CTNND2: variants seen among roughly 807,000 people sequenced by gnomAD.
CTNND2 encodes the protein catenin delta 2, also known as catenin delta-2.
CTNND2 carries 22 observed loss-of-function variants against 144.4 expected under a neutral mutation model. That is an observed-to-expected ratio of 0.15 (90% CI 0.11 to 0.22). The LOEUF (loss-of-function observed/expected upper bound fraction) is 0.22. Among genes scored for constraint, CTNND2 ranks in the 10% least tolerant of loss-of-function variants. CTNND2 has a pLI of 1.00. For synonymous variants in CTNND2, 751 were observed against 695.6 expected (o/e 1.08, Z -1.25); for missense variants, 1,353 against 1,618.8 (o/e 0.84, Z 2.82).
Position 11,159,720 on chromosome 5 carries a change from AT to A in CTNND2, c.2014del (p.Met672CysfsTer8). On this transcript the variant is annotated frameshift_variant, in exon 12 of 22. Transcript: ENST00000304623. LOFTEE classifies it high-confidence loss of function. ...TGCTAGGGCATCCTGGATGATTGGC[AT>A]TTTGAGTGCATCGCATGAGGAGAGG... ...WNLSSCDALK[M>X]PIIQDALAVL... 1.2e-6 allele frequency: 2 copies of A among 1,607,610 alleles called. No individual in the cohort carries two copies. The highest frequency in any genetic ancestry group is 1.7e-6 in the Non-Finnish European group (2 of 1,177,138).
At chr5:11,125,109 A>AT in intron 12 of CTNND2, among the ~76,000 whole-genome samples, 1 of 152,240 alleles carries the variant, frequency 6.6e-6, no homozygotes, top group South Asian at 2.1e-4. Flanking sequence ...GTGCAGGAAG[A>AT]TTGTCCTCTT....
At chr5:11,779,196 G>A (rs1187731879) in intron 1 of CTNND2, among the ~76,000 whole-genome samples, 1 of 152,148 alleles carries the variant, frequency 6.6e-6, no homozygotes, top group Non-Finnish European at 1.5e-5. Flanking sequence ...CATACTGAGT[G>A]TAAAACAATT....
At chr5:10,995,394 G>A (rs912423274) in intron 18 of CTNND2, among the ~76,000 whole-genome samples, 8 of 152,152 alleles carry the variant, frequency 5.3e-5, no homozygotes, top group African/African-American at 1.7e-4. Flanking sequence ...GAGACCAACC[G>A]AATACCGAGG....
At chr5:11,584,147 G>C (rs895612688) in intron 2 of CTNND2, among the ~76,000 whole-genome samples, 1 of 152,180 alleles carries the variant, frequency 6.6e-6, no homozygotes, top group African/African-American at 2.4e-5. Context: ...TGGTTCAGAA[G>C]AGCATGGGGG....
chr5:11,172,196 T>G (rs1309286033), intron 11 of CTNND2, among the ~76,000 whole-genome samples: 1 of 152,184 alleles, frequency 6.6e-6, no homozygotes, highest in Non-Finnish European at 1.5e-5. Context: ...CCTAAGAATT[T>G]TTTTTAAAAA....
At chr5:11,486,576 T>C (rs1768855668) in intron 3 of CTNND2, among the ~76,000 whole-genome samples, 1 of 151,184 alleles carries the variant, frequency 6.6e-6, no homozygotes, top group East Asian at 1.9e-4. Flanking sequence ...AGGAGGACAT[T>C]GGAGGGAGAG....
chr5:11,879,720 C>G (rs1735887083), intron 1 of CTNND2, among the ~76,000 whole-genome samples: 2 of 152,092 alleles, frequency 1.3e-5, no homozygotes, highest in Admixed American at 1.3e-4. Flanking sequence ...GAGTAGCTCT[C>G]AAAATGAAAG....
chr5:11,548,145 A>G (rs549703453), intron 3 of CTNND2, among the ~76,000 whole-genome samples: 1 of 152,394 alleles, frequency 6.6e-6, no homozygotes, highest in Admixed American at 6.5e-5. Context: ...TAAAGAACAC[A>G]TAACATATTT....
At chr5:11,278,963 T>TC (rs1209697443) in intron 9 of CTNND2, among the ~76,000 whole-genome samples, 1 of 151,946 alleles carries the variant, frequency 6.6e-6, no homozygotes, top group East Asian at 1.9e-4. Context: ...CTTCACTAAC[T>TC]CCCCCACGGT....
At chr5:11,519,008 A>AAC (rs142163506) in intron 3 of CTNND2, among the ~76,000 whole-genome samples, 15,900 of 147,578 alleles carry the variant, frequency 0.11, 1,693 homozygotes, top group African/African-American at 0.28. Flanking sequence ...TCCCTATCTC[A>AAC]ACACACACAC....
At chr5:11,579,725 C>T (rs1778269456) in intron 2 of CTNND2, among the ~76,000 whole-genome samples, 1 of 152,156 alleles carries the variant, frequency 6.6e-6, no homozygotes, top group South Asian at 2.1e-4. Context: ...ACCTTAACAT[C>T]TGTCTGTGCT....
intron 3 of CTNND2, among the ~76,000 whole-genome samples, chr5:11,555,450 G>A (rs960438600): frequency 2.0e-4 from 30 of 152,208 alleles, no homozygotes; most frequent in Admixed American, 2.6e-4. Flanking sequence ...CAAAAAAAGA[G>A]AGGTTTAGAG....
At chr5:11,640,144 CTACTT>C (rs1182714911) in intron 2 of CTNND2, among the ~76,000 whole-genome samples, 5 of 152,182 alleles carry the variant, frequency 3.3e-5, no homozygotes, top group Admixed American at 2.0e-4. Flanking sequence ...CATTATCTGA[CTACTT>C]TAGTGATAAA....
chr5:11,222,712 A>T (rs1305395436), intron 10 of CTNND2, among the ~76,000 whole-genome samples: 1 of 152,204 alleles, frequency 6.6e-6, no homozygotes, highest in Non-Finnish European at 1.5e-5. Flanking sequence ...TGGCCAAAGC[A>T]GGAGGATTTC....
chr5:11,288,856 A>T (rs1748018177), intron 9 of CTNND2, among the ~76,000 whole-genome samples: 1 of 152,180 alleles, frequency 6.6e-6, no homozygotes, highest in African/African-American at 2.4e-5. Flanking sequence ...AAGGAAAAAA[A>T]AAAAGAAAAC....
rs891856692 is a variant in CTNND2, at chr5:11,729,429, A to G, written c.174+2707T>C. ...TCATAAATATGTATAAACCAAAAAC[A>G]TATCTAATGTTCTGAGTTTTTAAAA... On this transcript the variant is annotated intron_variant, in intron 2 of 21. Transcript: ENST00000304623. 4.6e-5 allele frequency among the ~76,000 whole-genome samples: 7 copies of G among 152,168 alleles called. No individual in the cohort carries two copies. The East Asian group carries it at 1.2e-3, about 25-fold the overall frequency.
chr5:11,509,049 A>G, intron 3 of CTNND2, among the ~76,000 whole-genome samples: 1 of 152,220 alleles, frequency 6.6e-6, no homozygotes, highest in African/African-American at 2.4e-5. Flanking sequence ...TGTTAACATG[A>G]TTTAACTTTG....
chr5:11,129,810 T>C (rs1018495650), intron 12 of CTNND2, among the ~76,000 whole-genome samples: 1 of 152,122 alleles, frequency 6.6e-6, no homozygotes, highest in African/African-American at 2.4e-5. Context: ...TTTAAATGAA[T>C]TCCCATAACA....
At chr5:11,383,658 C>T (rs1758752744) in intron 7 of CTNND2, among the ~76,000 whole-genome samples, 1 of 152,198 alleles carries the variant, frequency 6.6e-6, no homozygotes, top group Non-Finnish European at 1.5e-5. Flanking sequence ...GCAACAAGCT[C>T]CTTTTTTAAA....
Sources: allele counts gnomAD v4.1 joint callset (sites outside exome capture counted in the v4.1 genomes callset), GRCh38; gene constraint gnomAD v4.1.1; transcripts MANE v1.5; gene names NCBI Gene and HGNC (gene_info 2026-07-23, HGNC 2026-07-21).